KIAA1549: variants seen among roughly 807,000 people sequenced by gnomAD.
KIAA1549 encodes the protein KIAA1549.
KIAA1549 carries 70 observed loss-of-function variants against 156.4 expected under a neutral mutation model. The ratio of observed to expected loss-of-function variants is 0.45; its 90% confidence interval spans 0.37 to 0.55. KIAA1549 has a LOEUF of 0.55. KIAA1549 is among the 20% of genes least tolerant of loss of function. KIAA1549 has a pLI of 0.00. For synonymous variants in KIAA1549, 1,103 were observed against 1,066.4 expected (o/e 1.03, Z -0.67); for missense variants, 2,428 against 2,540.9 (o/e 0.96, Z 0.96).
intron 10 of KIAA1549, among the ~76,000 whole-genome samples, chr7:138,883,798 C>T (rs187379117): frequency 3.4e-4 from 52 of 152,330 alleles, no homozygotes; most frequent in African/African-American, 1.3e-3. Flanking sequence ...CGAAGCCTTC[C>T]CTCCTGCCCA....
In KIAA1549 at chr7:138,832,115, G is replaced by C. The variant is rs1290807360; in HGVS notation, c.*5791C>G. 4.6e-6 allele frequency: 1 copy of C among 218,294 alleles called. No homozygotes were observed. Among genetic ancestry groups the C allele is most frequent in the Non-Finnish European group, 9.2e-6 (1 of 109,230 alleles). The allele number at this position is 218,294 out of a possible 1,614,324, so 13.5% of individuals were successfully genotyped here. A position where few individuals can be genotyped will look rare whatever the true frequency, so the allele number is the denominator to read the frequency against. On this transcript the variant is annotated 3_prime_UTR_variant, in exon 20 of 20. Transcript: ENST00000422774. ...TATTCGTGATGCTCCAAGTAGCCCA[G>C]AAAGGTTCTGTGTAATCAGGGACTG...
At chr7:138,974,879 C>T (rs1396890982) in intron 1 of KIAA1549, among the ~76,000 whole-genome samples, 1 of 151,708 alleles carries the variant, frequency 6.6e-6, no homozygotes, top group Non-Finnish European at 1.5e-5. Flanking sequence ...CTCTCAAGGT[C>T]TCTGGAGATT....
intron 1 of KIAA1549, among the ~76,000 whole-genome samples, chr7:138,969,305 G>A (rs7791224): frequency 0.15 from 23,400 of 152,116 alleles, 2,225 homozygotes; most frequent in African/African-American, 0.26. Context: ...CCTCCTCCCA[G>A]GCCCTTGCCA....
At chr7:138,903,839 GTGTGTGT>G in intron 7 of KIAA1549, 103 bp from the exon 8 acceptor site, 2 of 579,274 alleles carry the variant, frequency 3.5e-6, no homozygotes, top group Non-Finnish European at 5.1e-6. Flanking sequence ...GTGTGTGTGT[GTGTGTGT>G]GTGTGTGCGC....
In KIAA1549 at chr7:138,871,193, G is replaced by A. The variant is rs376635509; in HGVS notation, c.4515C>T (p.Ala1505=). ...TTTTATTGCTTTCCGCCACTCGGTC[G>A]GCTGGGGAGGGGCGCTGGACGGGAG... ...PAPPVQRPSP[A]DRVAESNKIN... is the part of the protein sequence containing the mutation. The change falls in exon 13 of 20, where the codon GCC becomes GCT. Residue 1505 remains alanine (A), a synonymous_variant. Coordinates refer to ENST00000422774, the MANE Select transcript of KIAA1549 (RefSeq NM_001164665.2). 45 of 1,613,220 alleles carry A rather than the reference G, an allele frequency of 2.8e-5. 2 individuals carry two copies. In the Middle Eastern group the frequency reaches 4.6e-3, roughly 166 times the overall value.
At chr7:138,873,592 C>T (rs1584720878) in intron 12 of KIAA1549, among the ~76,000 whole-genome samples, 1 of 134,638 alleles carries the variant, frequency 7.4e-6, no homozygotes, top group Admixed American at 7.7e-5. Context: ...ACAAAGGTGA[C>T]AGGCATTAAA....
intron 17 of KIAA1549, among the ~76,000 whole-genome samples, chr7:138,848,818 G>A (rs1471649246): frequency 1.3e-5 from 2 of 152,034 alleles, no homozygotes; most frequent in African/African-American, 2.4e-5. Flanking sequence ...TTTGTTTGTG[G>A]GAAGAACTGT....
intron 1 of KIAA1549, among the ~76,000 whole-genome samples, chr7:138,962,667 C>T (rs147851048): frequency 1.1e-3 from 160 of 152,218 alleles, no homozygotes; most frequent in African/African-American, 1.9e-3. Flanking sequence ...TGGAGCCAAC[C>T]GAACACAGCC....
chr7:138,844,777 C>G (rs1166279527), intron 17 of KIAA1549, among the ~76,000 whole-genome samples: 1 of 152,152 alleles, frequency 6.6e-6, no homozygotes, highest in Non-Finnish European at 1.5e-5. Context: ...GGCTACACGT[C>G]TGCATCACCT....
At position 138,965,991 on chromosome 7, in the gene KIAA1549, A is replaced by T. The variant is rs190271794; in HGVS notation, c.187+15092T>A. Among the ~76,000 whole-genome samples the T allele has an allele frequency of 7.9e-5, 12 of 151,954 alleles. No individual in the cohort carries two copies. In the East Asian group the frequency reaches 2.3e-3, roughly 29 times the overall value. Reference sequence around the variant, plus strand: ...CTGTGCCTCCCCCAACACCAGGCACACTCCTGCCTCAAGGCCTCTGCACTG... The same window carrying T: ...CTGTGCCTCCCCCAACACCAGGCACTCTCCTGCCTCAAGGCCTCTGCACTG... On this transcript the variant is annotated intron_variant, in intron 1 of 19. Coordinates refer to ENST00000422774, the MANE Select transcript of KIAA1549 (RefSeq NM_001164665.2).
intron 1 of KIAA1549, among the ~76,000 whole-genome samples, chr7:138,939,264 T>C (rs536420504): frequency 8.5e-5 from 13 of 152,356 alleles, no homozygotes; most frequent in East Asian, 3.9e-4. Context: ...CATCTAATTA[T>C]GCATTTCAAA....
chr7:138,891,132 T>C (rs1431977136), intron 10 of KIAA1549, among the ~76,000 whole-genome samples: 1 of 152,230 alleles, frequency 6.6e-6, no homozygotes, highest in Non-Finnish European at 1.5e-5. Context: ...GGCTCGTCCT[T>C]CTCCCTTGCT....
intron 1 of KIAA1549, among the ~76,000 whole-genome samples, chr7:138,960,287 T>TTTTATTTTATTTA (rs1356727367): frequency 6.7e-5 from 6 of 90,168 alleles, no homozygotes; most frequent in African/African-American, 2.9e-4. Context: ...ATAAATTTTA[T>TTTTATTTTATTTA]TTTATTGATT....
chr7:138,928,739 A>G (rs1295719689), intron 1 of KIAA1549, among the ~76,000 whole-genome samples: 3 of 152,244 alleles, frequency 2.0e-5, no homozygotes, highest in Non-Finnish European at 4.4e-5. Context: ...GTAGTCTATT[A>G]AGTACACAAT....
At chr7:138,923,937 G>A (rs925113063) in intron 1 of KIAA1549, among the ~76,000 whole-genome samples, 29 of 152,196 alleles carry the variant, frequency 1.9e-4, no homozygotes, top group African/African-American at 6.7e-4. Context: ...AATGCTTAAA[G>A]GGTTATATTC....
At position 138,916,856 on chromosome 7, in the gene KIAA1549, C is replaced by T. The variant is rs148827805; in HGVS notation, c.2770G>A (p.Val924Met). The stretch of plus-strand genomic sequence containing the variant: ...GTTGCTTCGAGAGTGAAGGCAGTCA[C>T]GGGACGCAGGGATGGCAGGGGAGGA... ...AAPPLPSLRP[V>M]TAFTLEATVD... Residue 924 changes from valine (V) to methionine (M), a missense_variant, in exon 2 of 20, where the codon GTG (valine) becomes ATG (methionine). Val to Met is a conservative substitution (Grantham distance 21). Around this residue, in one of 5 missense-constraint regions of KIAA1549, gnomAD observed 762 missense variants for 901.6 expected, o/e 0.85. Coordinates refer to ENST00000422774, the MANE Select transcript of KIAA1549 (RefSeq NM_001164665.2). 1,116 of 1,613,914 alleles carry T rather than the reference C, an allele frequency of 6.9e-4. 7 individuals carry two copies. The African/African-American group carries it at 0.014, about 20-fold the overall frequency.
intron 7 of KIAA1549, 65 bp from the exon 8 acceptor site, chr7:138,903,801 G>A (rs1238807563): frequency 6.1e-5 from 3 of 49,502 alleles, no homozygotes; most frequent in African/African-American, 3.4e-3. Flanking sequence ...CAGTGTGTGT[G>A]TGTGTGTGTG....
At chr7:138,844,700 T>C (rs999456132) in intron 17 of KIAA1549, among the ~76,000 whole-genome samples, 31 of 152,264 alleles carry the variant, frequency 2.0e-4, no homozygotes, top group Admixed American at 2.6e-4. Flanking sequence ...TGCAATACAG[T>C]TGATGCTGAC....
intron 1 of KIAA1549, among the ~76,000 whole-genome samples, chr7:138,956,706 T>C (rs924267532): frequency 1.3e-5 from 2 of 152,180 alleles, no homozygotes; most frequent in African/African-American, 4.8e-5. Flanking sequence ...TCTTTATAAA[T>C]TACCCAATCT....
Sources: allele counts gnomAD v4.1 joint callset (sites outside exome capture counted in the v4.1 genomes callset), GRCh38; gene constraint gnomAD v4.1.1; regional missense constraint gnomAD v4.1.1; transcripts MANE v1.5; gene names NCBI Gene and HGNC (gene_info 2026-07-23, HGNC 2026-07-21).